Variants in NES observed in about 807,000 individuals in gnomAD.
NES encodes the protein nestin.
A neutral mutation model predicts 35.6 loss-of-function variants in NES; 27 were observed. That is an observed-to-expected ratio of 0.76 (90% CI 0.56 to 1.04). NES has a LOEUF of 1.04. Ranked by LOEUF, NES falls within the 50% of genes least tolerant of loss-of-function variation. The probability of loss-of-function intolerance (pLI) is 0.00; values close to 1 mark genes in which losing one functional copy is unlikely to be tolerated. For synonymous variants in NES, 822 were observed against 824.2 expected, an observed-to-expected ratio of 1.00 and a Z score of 0.04; for missense variants, 1,867 against 1,983.6, an observed-to-expected ratio of 0.94 and a Z score of 1.12.
Position 156,672,087 on chromosome 1 carries a change from TC to T in NES, c.2100del (p.Arg701GlyfsTer14). On this transcript the variant is annotated frameshift_variant, in exon 4 of 4. Coordinates refer to ENST00000368223, the MANE Select transcript of NES (RefSeq NM_006617.2). LOFTEE classifies it low-confidence loss of function (END_TRUNC). Reference sequence around the variant, plus strand: ...TCTTTGTTCTCATCTTCAAGAGACCTCAGGGGTTCCTGATTCTCCTTTGTCA... The same window carrying T: ...TCTTTGTTCTCATCTTCAAGAGACCTAGGGGTTCCTGATTCTCCTTTGTCA... ...RPLTKENQEP[L>X]RSLEDENKEA... is the part of the protein sequence containing the mutation. The T allele has an allele frequency of 6.2e-7, 1 of 1,611,602 alleles. No individual in the cohort carries two copies. Among genetic ancestry groups the T allele is most frequent in the South Asian group, 1.1e-5 (1 of 90,526 alleles).
In NES at chr1:156,670,899, C is replaced by T. The variant is rs758276625; in HGVS notation, c.3289G>A (p.Ala1097Thr). 6.2e-7 allele frequency: 1 copy of T among 1,610,468 alleles called. No individual in the cohort carries two copies. Among genetic ancestry groups the T allele is most frequent in the Non-Finnish European group, 8.5e-7 (1 of 1,178,314 alleles). The change falls in exon 4 of 4, where the codon GCT (alanine) becomes ACT (threonine). Residue 1097 changes from alanine (A) to threonine (T), a missense_variant. Ala to Thr is a moderately conservative substitution (Grantham distance 58). Coordinates refer to ENST00000368223, the MANE Select transcript of NES (RefSeq NM_006617.2). ...EPAMGESAAG[A>T]EPGPGQGVGG... The stretch of plus-strand genomic sequence containing the variant: ...ACCCCCTGCCCCGGGCCTGGCTCAG[C>T]TCCCGCAGCAGACTCACCCATGGCA...
At position 156,676,437 on chromosome 1, in the gene NES, G is replaced by A; in HGVS notation, c.783+45C>T. The stretch of plus-strand genomic sequence containing the variant: ...TCTGAGCTTCATAAGGGACTTTCTG[G>A]AGCTTTCTGGGACTTTCTCTCACCC... On this transcript the variant is annotated intron_variant, in intron 1 of 3. Transcript: ENST00000368223. This position sits in a 1 kb window ranked among gnomAD's most constrained non-coding sequence, Gnocchi z 5.3. The A allele has an allele frequency of 6.3e-7, 1 of 1,585,162 alleles. No homozygotes were observed. The highest frequency in any genetic ancestry group is 1.1e-5 in the South Asian group (1 of 89,580).
rs750770160 is a variant in NES, at chr1:156,676,460, C to T, written c.783+22G>A. On this transcript the variant is annotated intron_variant, in intron 1 of 3. Coordinates refer to ENST00000368223, the MANE Select transcript of NES (RefSeq NM_006617.2). This position sits in a 1 kb window ranked among gnomAD's most constrained non-coding sequence, Gnocchi z 5.3. The stretch of plus-strand genomic sequence containing the variant: ...TGGAGCTTTCTGGGACTTTCTCTCA[C>T]CCAGGCCCTCAACCTCCTCACCTGG... The T allele has an allele frequency of 1.3e-6, 2 of 1,596,142 alleles. No homozygotes were observed. The highest frequency in any genetic ancestry group is 1.7e-5 in the Admixed American group (1 of 59,918).
rs888189138 is a variant in NES, at chr1:156,671,450, C to T, written c.2738G>A (p.Ser913Asn). 1 of 1,613,998 alleles carries T rather than the reference C, an allele frequency of 6.2e-7. No homozygotes were observed. The highest frequency in any genetic ancestry group is 1.3e-5 in the African/African-American group (1 of 75,044). ...LRSPEEVDKE[S>N]QRNLEEEENL... ...CTCTTCCTCTTCCAGATTCCTTTGA[C>T]TTTCCTTGTCTACCTCCTCTGGAGA... The change falls in exon 4 of 4, where the codon AGT becomes AAT. Residue 913 changes from serine to asparagine, a missense_variant. Transcript: ENST00000368223.
rs141992473 is a variant in NES, at chr1:156,670,006, G to A, written c.4182C>T (p.Pro1394=). Residue 1394 remains proline (P), a synonymous_variant, in exon 4 of 4, where the codon CCC becomes CCT. Transcript: ENST00000368223. The part of the protein sequence containing the change: ...GEVAEPLGQV[P]QLLLDPAAWD... Reference sequence around the variant, plus strand: ...AGGCTGCAGGATCCAGTAGCAGCTGGGGCACCTGGCCCAGAGGTTCTGCCA... The same window carrying A: ...AGGCTGCAGGATCCAGTAGCAGCTGAGGCACCTGGCCCAGAGGTTCTGCCA... 7 of 1,613,888 alleles carry A rather than the reference G, an allele frequency of 4.3e-6. No homozygotes were observed. The highest frequency in any genetic ancestry group is 5.9e-6 in the Non-Finnish European group (7 of 1,179,960).
rs1304498455 is a variant in NES, at chr1:156,676,495, G to T, written c.770C>A (p.Thr257Asn). The T allele has an allele frequency of 1.9e-6, 3 of 1,597,252 alleles. No homozygotes were observed. The highest frequency in any genetic ancestry group is 2.5e-6 in the Non-Finnish European group (3 of 1,179,194). The stretch of plus-strand genomic sequence containing the variant: ...CAACCTCCTCACCTGGAACTTTTCA[G>T]TAGCCCGCAGCCGCTCCTGCCAGCG... ...EGRWQERLRATEKFQLAVEAL... is the reference protein window; with the variant it reads ...EGRWQERLRANEKFQLAVEAL... The change falls in exon 1 of 4, where the codon ACT (threonine) becomes AAT (asparagine). Residue 257 changes from threonine to asparagine, a missense_variant. Coordinates refer to ENST00000368223, the MANE Select transcript of NES (RefSeq NM_006617.2). This position sits in a 1 kb window ranked among gnomAD's most constrained non-coding sequence, Gnocchi z 5.3.
Position 156,671,080 on chromosome 1 carries a change from C to T in NES, c.3108G>A (p.Glu1036=), listed in dbSNP as rs769306454. Residue 1036 remains glutamate, a synonymous_variant, in exon 4 of 4, where the codon GAG becomes GAA. Coordinates refer to ENST00000368223, the MANE Select transcript of NES (RefSeq NM_006617.2). ...VEGASVKGGA[E]GLQDPEGQSQ... is the part of the protein sequence containing the mutation. ...ATTGCCCTTCAGGGTCCTGGAGGCCCTCAGCCCCTCCCTTCACACTGGCTC... is the reference window on the plus strand; with the variant it reads ...ATTGCCCTTCAGGGTCCTGGAGGCCTTCAGCCCCTCCCTTCACACTGGCTC... 1.2e-6 allele frequency: 2 copies of T among 1,613,970 alleles called. No individual in the cohort carries two copies. Among genetic ancestry groups the T allele is most frequent in the East Asian group, 4.5e-5 (2 of 44,868 alleles).
chr1:156,673,375 G>A (rs551183991), intron 3 of NES, 79 bp downstream of exon 3: 20 of 1,429,638 alleles, frequency 1.4e-5, no homozygotes, highest in Non-Finnish European at 1.8e-5. Context: ...ATTTAGATTG[G>A]TGCCTCTCGG....
At position 156,672,842 on chromosome 1, in the gene NES, C is replaced by T. The variant is rs1171465154; in HGVS notation, c.1346G>A (p.Gly449Asp). 6 of 1,613,720 alleles carry T rather than the reference C, an allele frequency of 3.7e-6. No individual in the cohort carries two copies. In the African/African-American group the frequency reaches 4.0e-5, roughly 11 times the overall value. Residue 449 changes from glycine (G) to aspartate (D), a missense_variant, in exon 4 of 4, where the codon GGC becomes GAC. By Grantham distance (94) the Gly-to-Asp change is moderately conservative (BLOSUM62 -1). Coordinates refer to ENST00000368223, the MANE Select transcript of NES (RefSeq NM_006617.2). ...GCCTGTACTGGCCTCTTGCCGCTGGCCCCCAGGCTCCTCTGGTCCAGGCAG... is the reference window on the plus strand; with the variant it reads ...GCCTGTACTGGCCTCTTGCCGCTGGTCCCCAGGCTCCTCTGGTCCAGGCAG... ...SVLPGPEEPGGQRQEASTGQS... is the reference protein window; with the variant it reads ...SVLPGPEEPGDQRQEASTGQS...
chr1:156,677,133 C>T lies in NES; in HGVS notation c.132G>A (p.Arg44=), dbSNP rs1433911821. 5 of 1,608,868 alleles carry T rather than the reference C, an allele frequency of 3.1e-6. No homozygotes were observed. The highest frequency in any genetic ancestry group is 4.2e-6 in the Non-Finnish European group (5 of 1,178,390). Residue 44 remains arginine (R), a synonymous_variant, in exon 1 of 4, where the codon CGG becomes CGA. Transcript: ENST00000368223. The surrounding 1 kb of genome is among the most constrained non-coding windows in gnomAD (Gnocchi z 4.5). Reference sequence around the variant, plus strand: ...GCCAGGAGGTGTCCGCGGATTGTGCCCGGAGCCCCCCGAGCTCCGCGCTGA... The same window carrying T: ...GCCAGGAGGTGTCCGCGGATTGTGCTCGGAGCCCCCCGAGCTCCGCGCTGA... ...ELLSAELGGL[R]AQSADTSWRA...
Position 156,670,017 on chromosome 1 carries a change from C to T in NES, c.4171G>A (p.Gly1391Ser), listed in dbSNP as rs368960061. The change falls in exon 4 of 4, where the codon GGC becomes AGC. Residue 1391 changes from glycine to serine, a missense_variant. Coordinates refer to ENST00000368223, the MANE Select transcript of NES (RefSeq NM_006617.2). ...TCCAGTAGCAGCTGGGGCACCTGGC[C>T]CAGAGGTTCTGCCACCTCCCCAGGG... Reference protein sequence around the residue: ...GVPGEVAEPLGQVPQLLLDPA... With the variant: ...GVPGEVAEPLSQVPQLLLDPA... The T allele has an allele frequency of 3.3e-5, 53 of 1,613,848 alleles. No individual in the cohort carries two copies. The highest frequency in any genetic ancestry group is 4.5e-5 in the Non-Finnish European group (53 of 1,180,000).
chr1:156,675,296 G>A lies in NES; in HGVS notation c.828C>T (p.Ser276=). Residue 276 remains serine (S), a synonymous_variant, in exon 2 of 4, where the codon AGC becomes AGT. Coordinates refer to ENST00000368223, the MANE Select transcript of NES (RefSeq NM_006617.2). The part of the protein sequence containing the change: ...ALEQEKQGLQ[S]QIAQVLEGRQ... ...GACCTTCCAGGACCTGAGCGATCTG[G>A]CTCTGTAGGCCCTGTTTCTCCTGCT... The A allele has an allele frequency of 6.2e-7, 1 of 1,613,448 alleles. No individual in the cohort carries two copies. Among genetic ancestry groups the A allele is most frequent in the South Asian group, 1.1e-5 (1 of 91,046 alleles).
In NES at chr1:156,675,278, CAG is replaced by C; in HGVS notation, c.844_845del (p.Leu282GlyfsTer27). On this transcript the variant is annotated frameshift_variant, in exon 2 of 4. Transcript: ENST00000368223. LOFTEE classifies it high-confidence loss of function. ...GGTGCGCCAGCTGCTGCCGACCTTC[CAG>C]GACCTGAGCGATCTGGCTCTGTAGG... ...QGLQSQIAQVLEGRQQLAHLK... is the reference protein window; with the variant it reads ...QGLQSQIAQVXEGRQQLAHLK... The C allele has an allele frequency of 1.2e-6, 2 of 1,613,646 alleles. No homozygotes were observed. The highest frequency in any genetic ancestry group is 8.5e-7 in the Non-Finnish European group (1 of 1,179,890).
Position 156,671,319 on chromosome 1 carries a change from TCTC to T in NES, c.2866_2868del (p.Glu956del). On this transcript the variant is annotated inframe_deletion, in exon 4 of 4. Transcript: ENST00000368223. ...CTTTCCTGAGCCAGTTCTTGGTCCT[TCTC>T]CACCGTATCTTCCCACCTCTGCACA... 1 of 1,614,088 alleles carries T rather than the reference TCTC, an allele frequency of 6.2e-7. No individual in the cohort carries two copies. Among genetic ancestry groups the T allele is most frequent in the Non-Finnish European group, 8.5e-7 (1 of 1,180,020 alleles).
At position 156,676,994 on chromosome 1, in the gene NES, C is replaced by G; in HGVS notation, c.271G>C (p.Val91Leu). 1 of 1,581,326 alleles carries G rather than the reference C, an allele frequency of 6.3e-7. No homozygotes were observed. The highest frequency in any genetic ancestry group is 1.4e-5 in the African/African-American group (1 of 73,512). ...RDNLAEELEG[V>L]AGRCQQLRLA... ...CGCAGCTGCTGGCATCGGCCTGCCA[C>G]GCCCTCCAGCTCTTCAGCCAGGTTG... Residue 91 changes from valine (V) to leucine (L), a missense_variant, in exon 1 of 4, where the codon GTG (valine) becomes CTG (leucine). Transcript: ENST00000368223. This position sits in a 1 kb window ranked among gnomAD's most constrained non-coding sequence, Gnocchi z 5.3.
At position 156,669,294 on chromosome 1, in the gene NES, TC is replaced by T; in HGVS notation, c.*27del. 6.7e-7 allele frequency: 1 copy of T among 1,491,656 alleles called. No homozygotes were observed. The highest frequency in any genetic ancestry group is 2.3e-5 in the East Asian group (1 of 43,610). The allele number at this position is 1,491,656 out of a possible 1,614,324, so 92.4% of individuals were successfully genotyped here. A position where few individuals can be genotyped will look rare whatever the true frequency, so the allele number is the denominator to read the frequency against. On this transcript the variant is annotated 3_prime_UTR_variant, in exon 4 of 4. Transcript: ENST00000368223. Reference sequence around the variant, plus strand: ...TCCTTCCCCTCCCCGCACCCCTAAGTCCCCAGTGCCGGGCAGATGGTCTTTT... The same window carrying T: ...TCCTTCCCCTCCCCGCACCCCTAAGTCCCAGTGCCGGGCAGATGGTCTTTT...
Position 156,669,418 on chromosome 1 carries a change from A to G in NES, c.4770T>C (p.Ser1590=), listed in dbSNP as rs1484029667. The G allele has an allele frequency of 9.3e-6, 15 of 1,613,224 alleles. No individual in the cohort carries two copies. The highest frequency in any genetic ancestry group is 1.3e-5 in the Non-Finnish European group (15 of 1,179,520). The change falls in exon 4 of 4, where the codon TCT becomes TCC. Residue 1590 remains serine (S), a synonymous_variant. Transcript: ENST00000368223. The stretch of plus-strand genomic sequence containing the variant: ...CCAGGTGAACAGGAGCCCCTGCCCA[A>G]GAGGTCTTCAGAGCACTCCCCTCCT... The part of the protein sequence containing the change: ...QEEEGSALKT[S]WAGAPVHLGQ...
rs1679724105 is a variant in NES at position 156,671,240 on chromosome 1, C to T, written c.2948G>A (p.Arg983Lys). 2 of 1,614,176 alleles carry T rather than the reference C, an allele frequency of 1.2e-6. No individual in the cohort carries two copies. Reference sequence around the variant, plus strand: ...CTTCCCAGTGAAGCCATCCTGCTCCCTCAGATTCAGCTCTGCCTCATCCTC... The same window carrying T: ...CTTCCCAGTGAAGCCATCCTGCTCCTTCAGATTCAGCTCTGCCTCATCCTC... ...ENEDEAELNLREQDGFTGKEE... is the reference protein window; with the variant it reads ...ENEDEAELNLKEQDGFTGKEE... The change falls in exon 4 of 4, where the codon AGG becomes AAG. Residue 983 changes from arginine to lysine, a missense_variant. Coordinates refer to ENST00000368223, the MANE Select transcript of NES (RefSeq NM_006617.2).
At position 156,670,879 on chromosome 1, in the gene NES, C is replaced by G; in HGVS notation, c.3309G>C (p.Gln1103His). Residue 1103 changes from glutamine to histidine, a missense_variant, in exon 4 of 4, where the codon CAG (glutamine) becomes CAC (histidine). Gln to His is a conservative substitution (Grantham distance 24). Coordinates refer to ENST00000368223, the MANE Select transcript of NES (RefSeq NM_006617.2). The stretch of plus-strand genomic sequence containing the variant: ...CTGGGTCCCCCAGCCCTCCCACCCC[C>G]TGCCCCGGGCCTGGCTCAGCTCCCG... ...SAAGAEPGPGQGVGGLGDPGH... is the reference protein window; with the variant it reads ...SAAGAEPGPGHGVGGLGDPGH... The G allele has an allele frequency of 6.3e-7, 1 of 1,596,840 alleles. No homozygotes were observed. Among genetic ancestry groups the G allele is most frequent in the Non-Finnish European group, 8.6e-7 (1 of 1,166,192 alleles).
Sources: allele counts gnomAD v4.1 joint callset, GRCh38; gene constraint gnomAD v4.1.1; non-coding constraint Gnocchi (gnomAD v3.1); transcripts MANE v1.5; gene names NCBI Gene and HGNC (gene_info 2026-07-23, HGNC 2026-07-21).